The following LRIG1 variants were observed in gnomAD, a reference collection of about 807,000 sequenced individuals.
LRIG1 encodes the protein leucine-rich repeats and immunoglobulin-like domains protein 1.
LRIG1 carries 48 observed loss-of-function variants against 99.2 expected under a neutral mutation model. That is an observed-to-expected ratio of 0.48 (90% CI 0.38 to 0.62). LRIG1 has a LOEUF of 0.62. LRIG1 is among the 20% of genes least tolerant of loss of function. The pLI, the probability that LRIG1 is intolerant of heterozygous loss-of-function variation, is 0.00. For missense variants in LRIG1, 1,646 were observed against 1,434.4 expected (o/e 1.15, Z -2.38); for synonymous variants, 772 against 596.1 (o/e 1.29, Z -4.30).
Position 66,398,135 on chromosome 3 carries a change from C to T in LRIG1, c.1281G>A (p.Val427=). ...ACAGCTCTTTAAGATTCTTCATCTT[C>T]ACAAAGGCATCAAACTGGACAGATC... ...AIRSVQFDAF[V]KMKNLKELHI... The change falls in exon 11 of 19, where the codon GTG becomes GTA. Residue 427 remains valine, a synonymous_variant. Coordinates refer to ENST00000273261, the MANE Select transcript of LRIG1 (RefSeq NM_015541.3). 6.2e-7 allele frequency: 1 copy of T among 1,614,020 alleles called. No homozygotes were observed. Among genetic ancestry groups the T allele is most frequent in the Middle Eastern group, 1.6e-4 (1 of 6,062 alleles).
intron 1 of LRIG1, among the ~76,000 whole-genome samples, chr3:66,471,591 G>A (rs1048394724): frequency 2.0e-5 from 3 of 152,192 alleles, no homozygotes; most frequent in Non-Finnish European, 4.4e-5. Context: ...GGCATGGCGG[G>A]GATGAAGGGC....
chr3:66,466,405 A>T (rs1020206189), intron 1 of LRIG1, among the ~76,000 whole-genome samples: 2 of 152,236 alleles, frequency 1.3e-5, no homozygotes, highest in African/African-American at 2.4e-5. Flanking sequence ...CATTTTGTGT[A>T]TCCATTCATC....
At chr3:66,476,789 G>A (rs1212575037) in intron 1 of LRIG1, among the ~76,000 whole-genome samples, 1 of 152,118 alleles carries the variant, frequency 6.6e-6, no homozygotes, top group African/African-American at 2.4e-5. Flanking sequence ...GATTCCATAC[G>A]CAGGATTCTT....
At chr3:66,440,869 T>C (rs1703514839) in intron 3 of LRIG1, among the ~76,000 whole-genome samples, 1 of 152,212 alleles carries the variant, frequency 6.6e-6, no homozygotes, top group Non-Finnish European at 1.5e-5. Flanking sequence ...GCAAAGGTGA[T>C]GCAGGCAGGA....
At chr3:66,462,748 A>G (rs555317667) in intron 1 of LRIG1, among the ~76,000 whole-genome samples, 7 of 152,164 alleles carry the variant, frequency 4.6e-5, no homozygotes, top group Non-Finnish European at 1.0e-4. Flanking sequence ...TATCAGTATC[A>G]TTTCACTATT....
intron 2 of LRIG1, among the ~76,000 whole-genome samples, chr3:66,456,551 C>A (rs1164504760): frequency 2.2e-5 from 3 of 136,614 alleles, no homozygotes; most frequent in African/African-American, 5.5e-5. Context: ...CTAGCCTGGG[C>A]AACAGAGTGA....
At chr3:66,408,965 G>GTGTGTGTGTGTGTGTGTGTT (rs2106662996) in intron 7 of LRIG1, among the ~76,000 whole-genome samples, 1 of 107,080 alleles carries the variant, frequency 9.3e-6, no homozygotes, top group African/African-American at 3.3e-5. Flanking sequence ...TGTGTGTGGT[G>GTGTGTGTGTGTGTGTGTGTT]GGGGGAGGGG....
intron 2 of LRIG1, among the ~76,000 whole-genome samples, chr3:66,461,122 C>T (rs930597605): frequency 6.6e-6 from 1 of 152,056 alleles, no homozygotes; most frequent in African/African-American, 2.4e-5. Context: ...ACCAGCCTGA[C>T]CAACATGGCG....
intron 1 of LRIG1, among the ~76,000 whole-genome samples, chr3:66,473,405 C>T (rs1236924575): frequency 2.0e-5 from 3 of 152,222 alleles, no homozygotes; most frequent in Non-Finnish European, 4.4e-5. Context: ...TATTTTTCAA[C>T]TGTGTGACAT....
chr3:66,497,782 T>C (rs906011502), intron 1 of LRIG1, among the ~76,000 whole-genome samples: 2 of 151,012 alleles, frequency 1.3e-5, no homozygotes, highest in African/African-American at 2.4e-5. Flanking sequence ...CCTGAAGTTG[T>C]TTGAACTAGC....
chr3:66,435,338 C>G (rs991755841), intron 3 of LRIG1, among the ~76,000 whole-genome samples: 1 of 152,152 alleles, frequency 6.6e-6, no homozygotes, highest in Non-Finnish European at 1.5e-5. Flanking sequence ...GCAGGCAGAT[C>G]ACTTGAGGTC....
At chr3:66,455,325 T>C (rs939771788) in intron 2 of LRIG1, among the ~76,000 whole-genome samples, 4 of 152,232 alleles carry the variant, frequency 2.6e-5, no homozygotes, top group African/African-American at 4.8e-5. Flanking sequence ...CAAAAAAGAA[T>C]ACATAGTAAA....
At chr3:66,434,144 A>C (rs528747727) in intron 3 of LRIG1, among the ~76,000 whole-genome samples, 70 of 152,372 alleles carry the variant, frequency 4.6e-4, no homozygotes, top group Non-Finnish European at 9.1e-4. Context: ...TAAGATGAAA[A>C]GACAAGCTAC....
At chr3:66,428,296 C>CAGA (rs1703047748) in intron 3 of LRIG1, among the ~76,000 whole-genome samples, 1 of 152,172 alleles carries the variant, frequency 6.6e-6, no homozygotes, top group African/African-American at 2.4e-5. Context: ...TGCCCTGTTT[C>CAGA]ATGCTGCTTC....
chr3:66,436,570 C>T (rs965581906), intron 3 of LRIG1, among the ~76,000 whole-genome samples: 2 of 152,204 alleles, frequency 1.3e-5, no homozygotes, highest in African/African-American at 4.8e-5. Context: ...CGTCTCTCCC[C>T]CTCATTTGAG....
At chr3:66,388,443 A>G (rs1701486983) in intron 12 of LRIG1, among the ~76,000 whole-genome samples, 1 of 152,154 alleles carries the variant, frequency 6.6e-6, no homozygotes, top group African/African-American at 2.4e-5. Context: ...AAGGAAGAGA[A>G]AAAGTATCTG....
chr3:66,383,282 G>C lies in LRIG1; in HGVS notation c.2191C>G (p.Arg731Gly), dbSNP rs202029049. The C allele has an allele frequency of 4.3e-6, 7 of 1,613,618 alleles. No homozygotes were observed. Among genetic ancestry groups the C allele is most frequent in the Non-Finnish European group, 5.9e-6 (7 of 1,179,632 alleles). ...TGCCGCTCAGTGAGGCTCAGCGGGC[G>C]GTCCCCCTTGAACCAGGTGATGCGG... ...PPRITWFKGD[R>G]PLSLTERHHL... The change falls in exon 15 of 19, where the codon CGC becomes GGC. Residue 731 changes from arginine to glycine, a missense_variant. Coordinates refer to ENST00000273261, the MANE Select transcript of LRIG1 (RefSeq NM_015541.3).
intron 8 of LRIG1, 54 bp downstream of exon 8, chr3:66,407,294 A>G: frequency 1.3e-6 from 2 of 1,592,022 alleles, no homozygotes; most frequent in Admixed American, 1.7e-5. Context: ...GGTTTGCTCT[A>G]TTCTGCTCTC....
At chr3:66,424,571 A>G (rs1702918835) in intron 3 of LRIG1, among the ~76,000 whole-genome samples, 1 of 152,224 alleles carries the variant, frequency 6.6e-6, no homozygotes, top group Admixed American at 6.5e-5. Flanking sequence ...CACAGTTCCC[A>G]AGAAGATCCA....
Sources: allele counts gnomAD v4.1 joint callset (sites outside exome capture counted in the v4.1 genomes callset), GRCh38; gene constraint gnomAD v4.1.1; transcripts MANE v1.5; gene names NCBI Gene and HGNC (gene_info 2026-07-23, HGNC 2026-07-21).